CCDC91: variants seen among roughly 807,000 people sequenced by gnomAD.
CCDC91 encodes the protein coiled-coil domain containing 91, also known as coiled-coil domain-containing protein 91.
In CCDC91, 48 loss-of-function variants were observed where a neutral mutation model predicts 63.2. The ratio of observed to expected loss-of-function variants is 0.76; its 90% CI spans 0.60 to 0.97. CCDC91 has a LOEUF of 0.97. Among genes scored for constraint, CCDC91 ranks in the 50% least tolerant of loss-of-function variants. The pLI is 0.00. For missense variants in CCDC91, 500 were observed against 494.6 expected (o/e 1.01, Z -0.10); for synonymous variants, 167 against 165.8 (o/e 1.01, Z -0.06).
intron 1 of CCDC91, among the ~76,000 whole-genome samples, chr12:28,204,601 T>C (rs535321989): frequency 7.4e-4 from 112 of 152,288 alleles, no homozygotes; most frequent in African/African-American, 2.6e-3. Context: ...GGGAAAGTCA[T>C]GTTAGGTATT....
intron 7 of CCDC91, among the ~76,000 whole-genome samples, chr12:28,365,429 C>A (rs1258000887): frequency 6.6e-6 from 1 of 152,026 alleles, no homozygotes; most frequent in Non-Finnish European, 1.5e-5. Flanking sequence ...AGCACACTCA[C>A]AATAACAAGA....
At chr12:28,280,034 A>C (rs1316656081) in intron 3 of CCDC91, among the ~76,000 whole-genome samples, 4 of 152,076 alleles carry the variant, frequency 2.6e-5, no homozygotes, top group Non-Finnish European at 5.9e-5. Context: ...AATGGAATTA[A>C]ATCTCCAAAT....
chr12:28,450,367 T>C lies in CCDC91; in HGVS notation c.873T>C (p.Cys291=). The part of the protein sequence containing the change: ...SQEQKEILEK[C]LEEERQRNKE... ...TTTGACAGGAAATATTGGAAAAGTG[T>C]TTGGAGGAAGAAAGGCAAAGAAATA... The change falls in exon 10 of 13, where the codon TGT becomes TGC. Residue 291 remains cysteine, a synonymous_variant. Transcript: ENST00000536442. The C allele has an allele frequency of 6.2e-7, 1 of 1,612,118 alleles. No homozygotes were observed. The highest frequency in any genetic ancestry group is 8.5e-7 in the Non-Finnish European group (1 of 1,178,494).
At chr12:28,268,831 G>C (rs974215126) in intron 3 of CCDC91, 1 of 170,506 alleles carries the variant, frequency 5.9e-6, no homozygotes, top group Admixed American at 6.5e-5. Context: ...CAAGTGTCTG[G>C]TATGGAGGTC....
intron 3 of CCDC91, among the ~76,000 whole-genome samples, chr12:28,287,402 G>C (rs1948980871): frequency 6.6e-6 from 1 of 152,058 alleles, no homozygotes; most frequent in Non-Finnish European, 1.5e-5. Context: ...GTAAGGAAGG[G>C]GTCCAGTTTC....
In CCDC91 at chr12:28,528,269, AG is replaced by A. The variant is rs576203169; in HGVS notation, c.1216-20789del. Among the ~76,000 whole-genome samples, 89 of 152,204 alleles carry A rather than the reference AG, an allele frequency of 5.8e-4. 1 individual carries two copies. The highest frequency in any genetic ancestry group is 2.3e-3 in the South Asian group (11 of 4,826). ...TGCTAGGGGACCCTAGCAAGCCCAC[AG>A]GGGGACCCTAGAGCAAGCCCACAGG... On this transcript the variant is annotated intron_variant, in intron 12 of 12. Transcript: ENST00000536442.
chr12:28,225,818 C>T (rs1944237854), intron 1 of CCDC91: 1 of 152,186 alleles, frequency 6.6e-6, no homozygotes, highest in Non-Finnish European at 1.5e-5. Flanking sequence ...CTTTATGTGA[C>T]TCAGAGAAAG....
chr12:28,420,511 G>C (rs572517307), intron 8 of CCDC91, among the ~76,000 whole-genome samples: 86 of 152,254 alleles, frequency 5.6e-4, no homozygotes, highest in African/African-American at 2.1e-3. Context: ...CTGAGTGCTA[G>C]CTGATTGACA....
chr12:28,514,265 G>GA (rs1215323707), intron 12 of CCDC91, among the ~76,000 whole-genome samples: 1 of 151,858 alleles, frequency 6.6e-6, no homozygotes, highest in Admixed American at 6.6e-5. Context: ...GTCTTCTTTT[G>GA]AAAAGTGTCT....
At chr12:28,265,144 A>G (rs1276117885) in intron 3 of CCDC91, among the ~76,000 whole-genome samples, 1 of 152,002 alleles carries the variant, frequency 6.6e-6, no homozygotes, top group Non-Finnish European at 1.5e-5. Context: ...TTTATGTTTA[A>G]CTGTATAAAT....
intron 1 of CCDC91, among the ~76,000 whole-genome samples, chr12:28,245,628 C>G (rs1945680275): frequency 6.6e-6 from 1 of 151,944 alleles, no homozygotes; most frequent in South Asian, 2.1e-4. Flanking sequence ...AAAAATTTAT[C>G]CAATTAAAAA....
intron 7 of CCDC91, among the ~76,000 whole-genome samples, chr12:28,388,949 A>G (rs1379232787): frequency 6.6e-6 from 1 of 152,204 alleles, no homozygotes; most frequent in Non-Finnish European, 1.5e-5. Context: ...TGGCTTAGGC[A>G]AGGATTTCAT....
chr12:28,239,864 A>T (rs1945224614), intron 1 of CCDC91, among the ~76,000 whole-genome samples: 1 of 151,842 alleles, frequency 6.6e-6, no homozygotes. Context: ...AAATGAAAAC[A>T]GTGTGGGGGG....
At chr12:28,440,932 C>CCTG (rs1949156006) in intron 8 of CCDC91, among the ~76,000 whole-genome samples, 1 of 150,202 alleles carries the variant, frequency 6.7e-6, no homozygotes, top group African/African-American at 2.4e-5. Flanking sequence ...GTGGTGTGCA[C>CCTG]CTGTAATCCC....
chr12:28,212,780 C>T (rs1232515093), intron 1 of CCDC91, among the ~76,000 whole-genome samples: 2 of 152,138 alleles, frequency 1.3e-5, no homozygotes, highest in African/African-American at 2.4e-5. Context: ...ACTGCCAAAA[C>T]TGAGTCTATG....
chr12:28,343,439 C>G (rs1942586101), intron 6 of CCDC91, among the ~76,000 whole-genome samples: 1 of 151,968 alleles, frequency 6.6e-6, no homozygotes, highest in African/African-American at 2.4e-5. Flanking sequence ...ACATTCTCAA[C>G]TTTTCCTTAC....
chr12:28,442,169 A>G (rs547014778), intron 8 of CCDC91, among the ~76,000 whole-genome samples: 47 of 152,266 alleles, frequency 3.1e-4, no homozygotes, highest in African/African-American at 1.1e-3. Flanking sequence ...AAGAGGAATT[A>G]CTACTGCCTG....
intron 1 of CCDC91, among the ~76,000 whole-genome samples, chr12:28,214,548 T>A (rs2135560419): frequency 6.6e-6 from 1 of 152,026 alleles, no homozygotes; most frequent in East Asian, 1.9e-4. Context: ...GGCCTGTAAT[T>A]GTCATGTGTA....
intron 1 of CCDC91, among the ~76,000 whole-genome samples, chr12:28,228,649 A>G (rs1020884367): frequency 1.3e-5 from 2 of 152,058 alleles, no homozygotes; most frequent in African/African-American, 4.8e-5. Context: ...TTTAACTTTC[A>G]TTTGTCTGTT....
Sources: gnomAD v4.1 joint callset for allele counts (sites outside exome capture counted in the v4.1 genomes callset) on GRCh38, gnomAD v4.1.1 for gene constraint, MANE v1.5 for transcripts, NCBI Gene and HGNC (gene_info 2026-07-23, HGNC 2026-07-21) for gene names.